SYTL5: variants seen among roughly 807,000 people sequenced by gnomAD.
The protein encoded by SYTL5 is synaptotagmin like 5.
A neutral mutation model predicts 55.9 loss-of-function variants in SYTL5; 34 were observed. That is an observed-to-expected ratio of 0.61 (90% CI 0.46 to 0.81). The LOEUF is 0.81. Among genes scored for constraint, SYTL5 ranks in the 30% least tolerant of loss-of-function variants. SYTL5 has a pLI of 0.00. For synonymous variants in SYTL5, 221 were observed against 188.7 expected, an observed-to-expected ratio of 1.17 and a Z score of -1.40; for missense variants, 637 against 546.7, an observed-to-expected ratio of 1.17 and a Z score of -1.65.
At chrX:38,090,440 GTATT>G (rs1289443844) in intron 7 of SYTL5, among the ~76,000 whole-genome samples, 1 of 111,851 alleles carries the variant, frequency 8.9e-6, no homozygotes, top group African/African-American at 3.2e-5. Context: ...TATGAAAAAA[GTATT>G]TGGGGAAAAA....
intron 2 of SYTL5, among the ~76,000 whole-genome samples, chrX:38,050,947 C>T (rs1383575661): frequency 8.9e-6 from 1 of 112,375 alleles, no homozygotes; most frequent in African/African-American, 3.2e-5. Context: ...GTGTGAGTCA[C>T]ATGATGACAT....
intron 1 of SYTL5, among the ~76,000 whole-genome samples, chrX:38,032,636 C>T (rs749954074): frequency 5.4e-4 from 60 of 110,888 alleles, no homozygotes; most frequent in African/African-American, 1.9e-3. Flanking sequence ...TGAATGTAGG[C>T]ATTTCTAAAT....
Position 38,126,812 on chromosome X carries a change from TCTGCTTCC to T in SYTL5, c.*87_*94del. The T allele has an allele frequency of 1.8e-5, 18 of 1,000,805 alleles. No homozygotes were observed. Among genetic ancestry groups the T allele is most frequent in the Non-Finnish European group, 2.4e-5 (18 of 740,412 alleles). 82.5% of individuals were successfully genotyped at this position (1,000,805 alleles called of 1,213,427 possible). A position where few individuals can be genotyped will look rare whatever the true frequency, so the allele number is the denominator to read the frequency against. ...CCATTAGCAAACTGAGACCTGGGAT[TCTGCTTCC>T]CTGCCATTTCTCACCTGACAGTGTT... On this transcript the variant is annotated 3_prime_UTR_variant, in exon 17 of 17. Coordinates refer to ENST00000297875, the MANE Select transcript of SYTL5 (RefSeq NM_138780.3).
chrX:38,113,549 C>A (rs1400098432), intron 13 of SYTL5, among the ~76,000 whole-genome samples: 1 of 111,138 alleles, frequency 9.0e-6, no homozygotes, highest in Non-Finnish European at 1.9e-5. Flanking sequence ...TGGGTGTCAT[C>A]TGCTTATTTC....
chrX:37,893,756 T>G, the SYTL5 span, among the ~76,000 whole-genome samples: 1 of 83,858 alleles, frequency 1.2e-5, no homozygotes, highest in Non-Finnish European at 2.2e-5. Flanking sequence ...ATAGATTATA[T>G]ATAATCTATA....
At chrX:37,905,434 T>TG in the SYTL5 span, among the ~76,000 whole-genome samples, 4 of 18,858 alleles carry the variant, frequency 2.1e-4, no homozygotes, top group African/African-American at 1.3e-3. Flanking sequence ...ATGGTGTGTG[T>TG]GTGTGGGGGG....
intron 12 of SYTL5, 84 bp from the exon 13 acceptor site, chrX:38,110,237 A>G: frequency 1.5e-6 from 1 of 678,148 alleles, no homozygotes; most frequent in Non-Finnish European, 2.1e-6. Flanking sequence ...ATGATCTGAA[A>G]GATGTTGGAA....
At position 38,102,424 on chromosome X, in the gene SYTL5, G is replaced by A; in HGVS notation, c.1145G>A (p.Gly382Asp). The A allele has an allele frequency of 8.4e-7, 1 of 1,195,101 alleles. No individual in the cohort carries two copies. The part of the protein sequence containing the change: ...LSTNTHRLAS[G>D]LSTTSLNSMM... ...ACAAACACTCACCGTCTGGCAAGTG[G>A]CCTATCAACTGTAAGCAGTTCACTA... Residue 382 changes from glycine (G) to aspartate (D), a missense_variant, in exon 10 of 17, where the codon GGC (glycine) becomes GAC (aspartate). Gly to Asp is a moderately conservative substitution (Grantham distance 94). Coordinates refer to ENST00000297875, the MANE Select transcript of SYTL5 (RefSeq NM_138780.3).
At chrX:38,118,194 C>A (rs757229380) in intron 13 of SYTL5, among the ~76,000 whole-genome samples, 5 of 111,562 alleles carry the variant, frequency 4.5e-5, no homozygotes, top group Non-Finnish European at 7.5e-5. Context: ...CATATAATCT[C>A]ATTTTTGCCC....
chrX:37,929,037 G>A, the SYTL5 span, among the ~76,000 whole-genome samples: 1 of 112,281 alleles, frequency 8.9e-6, no homozygotes, highest in Non-Finnish European at 1.9e-5. Flanking sequence ...TTTATCACTG[G>A]GATACCTGAG....
intron 3 of SYTL5, among the ~76,000 whole-genome samples, chrX:38,058,658 G>A (rs5918465): frequency 0.094 from 10,414 of 110,464 alleles, 550 homozygotes; most frequent in Middle Eastern, 0.17. Flanking sequence ...GTTTTTATTA[G>A]GAAATCAGCT....
At chrX:37,941,551 C>T in the SYTL5 span, among the ~76,000 whole-genome samples, 1 of 111,274 alleles carries the variant, frequency 9.0e-6, no homozygotes, top group African/African-American at 3.3e-5. Flanking sequence ...GCTTTTTTTC[C>T]CCTGTGGTCA....
the SYTL5 span, among the ~76,000 whole-genome samples, chrX:37,904,162 A>G: frequency 9.2e-6 from 1 of 108,214 alleles, no homozygotes; most frequent in Non-Finnish European, 1.9e-5. Flanking sequence ...GCACACACGC[A>G]CACACACACA....
intron 10 of SYTL5, chrX:38,102,943 T>G (rs757377898): frequency 1.5e-6 from 1 of 678,013 alleles, no homozygotes; most frequent in Admixed American, 3.0e-5. Flanking sequence ...TATCTAACTG[T>G]GTGTAAGTCT....
At chrX:38,008,313 C>T in intron 1 of SYTL5, among the ~76,000 whole-genome samples, 1 of 111,485 alleles carries the variant, frequency 9.0e-6, no homozygotes, top group Non-Finnish European at 1.9e-5. Context: ...TATATACATT[C>T]ACACATTTTC....
At chrX:37,945,338 A>G in the SYTL5 span, among the ~76,000 whole-genome samples, 24 of 112,197 alleles carry the variant, frequency 2.1e-4, no homozygotes, top group African/African-American at 7.8e-4. Flanking sequence ...GTCAGATTTC[A>G]TGACTCTCAT....
the SYTL5 span, among the ~76,000 whole-genome samples, chrX:37,910,967 C>CTTTTTTTTTTTTT: frequency 8.5e-5 from 7 of 82,727 alleles, no homozygotes; most frequent in African/African-American, 2.7e-4. Context: ...GATAGCATTA[C>CTTTTTTTTTTTTT]TTTTTTTTTT....
At chrX:37,987,464 ATC>A in the SYTL5 span, among the ~76,000 whole-genome samples, 2 of 112,494 alleles carry the variant, frequency 1.8e-5, no homozygotes, top group African/African-American at 6.5e-5. Context: ...TTGTTTTAAC[ATC>A]TGTCTTTCCT....
In SYTL5 at chrX:38,050,809, T is replaced by A. The variant is rs1935603232; in HGVS notation, c.120-3404T>A. 4.5e-5 allele frequency among the ~76,000 whole-genome samples: 5 copies of A among 111,768 alleles called. No individual in the cohort carries two copies. The South Asian group carries it at 1.9e-3, about 42-fold the overall frequency. ...ACTTCATGGCATTTTCAGACCAGGA[T>A]CCAGACTTGCAGAGCAGACACTATT... On this transcript the variant is annotated intron_variant, in intron 2 of 16. Transcript: ENST00000297875.
Sources: allele counts gnomAD v4.1 joint callset (sites outside exome capture counted in the v4.1 genomes callset), GRCh38; gene constraint gnomAD v4.1.1; transcripts MANE v1.5; gene names NCBI Gene and HGNC (gene_info 2026-07-23, HGNC 2026-07-21).